The following PPP1R9A variants were observed in gnomAD, a reference collection of about 807,000 sequenced individuals.
The protein encoded by PPP1R9A is protein phosphatase 1 regulatory subunit 9A, also known as neurabin-1.
In PPP1R9A, 59 loss-of-function variants were observed where a neutral mutation model predicts 141.9. The ratio of observed to expected loss-of-function variants is 0.42; its 90% CI spans 0.34 to 0.52. The LOEUF (loss-of-function observed/expected upper bound fraction) is 0.52, where lower values mean the gene tolerates loss of function less well. Among genes scored for constraint, PPP1R9A ranks in the 20% least tolerant of loss-of-function variants. PPP1R9A has a pLI of 0.10. For synonymous variants in PPP1R9A, 500 were observed against 569.7 expected (o/e 0.88, Z 1.74); for missense variants, 1,444 against 1,611.9 (o/e 0.90, Z 1.78).
chr7:95,095,891 G>A (rs1817947637), intron 2 of PPP1R9A, among the ~76,000 whole-genome samples: 1 of 151,972 alleles, frequency 6.6e-6, no homozygotes, highest in Non-Finnish European at 1.5e-5. Context: ...TTCCCACCAT[G>A]TGATGTCTGG....
chr7:95,025,241 AT>A (rs1362334624), intron 2 of PPP1R9A, among the ~76,000 whole-genome samples: 3 of 151,880 alleles, frequency 2.0e-5, no homozygotes, highest in Admixed American at 6.6e-5. Context: ...TAATTTTTGT[AT>A]TTTTAGTAGA....
intron 2 of PPP1R9A, among the ~76,000 whole-genome samples, chr7:95,079,945 A>G (rs1272803112): frequency 2.6e-5 from 4 of 152,232 alleles, no homozygotes; most frequent in Admixed American, 6.5e-5. Flanking sequence ...TCTCAAAATA[A>G]TAAGAGCTAT....
chr7:94,925,122 AG>A (rs1342110890), intron 2 of PPP1R9A, among the ~76,000 whole-genome samples: 4 of 152,182 alleles, frequency 2.6e-5, no homozygotes, highest in African/African-American at 9.7e-5. Flanking sequence ...CAAGTCAAAA[AG>A]CTGCAGGGTG....
chr7:95,001,415 A>G (rs898857770), intron 2 of PPP1R9A, among the ~76,000 whole-genome samples: 4 of 152,188 alleles, frequency 2.6e-5, no homozygotes, highest in African/African-American at 9.6e-5. Flanking sequence ...GCGTACAATT[A>G]TATATAAAGG....
chr7:95,231,065 A>G (rs1031721421), intron 8 of PPP1R9A, among the ~76,000 whole-genome samples: 1 of 152,188 alleles, frequency 6.6e-6, no homozygotes, highest in African/African-American at 2.4e-5. Flanking sequence ...GTGGAAAAAG[A>G]TACCGTATGC....
rs187752870 is a variant in PPP1R9A, at chr7:95,021,612, T to C, written c.1396-89647T>C. On this transcript the variant is annotated intron_variant, in intron 2 of 19. Transcript: ENST00000433360. ...GTTTTTATGGTTTTAGGTCTTATGTTTAAGTCTTTAATCCATCTTGAGTTA... is the reference window on the plus strand; with the variant it reads ...GTTTTTATGGTTTTAGGTCTTATGTCTAAGTCTTTAATCCATCTTGAGTTA... Among the ~76,000 whole-genome samples the C allele has an allele frequency of 1.2e-4, 19 of 152,276 alleles. No homozygotes were observed. The East Asian group carries it at 3.3e-3, about 26-fold the overall frequency.
intron 2 of PPP1R9A, among the ~76,000 whole-genome samples, chr7:95,002,088 ATAGC>A (rs1186134440): frequency 6.6e-6 from 1 of 152,188 alleles, no homozygotes; most frequent in African/African-American, 2.4e-5. Flanking sequence ...TGAGAGGGAA[ATAGC>A]TAGCCCTTCA....
At chr7:95,175,951 A>G (rs1832838301) in intron 5 of PPP1R9A, among the ~76,000 whole-genome samples, 1 of 152,112 alleles carries the variant, frequency 6.6e-6, no homozygotes, top group South Asian at 2.1e-4. Context: ...ATCATGGCCG[A>G]CAGGAGGCAG....
chr7:95,074,603 T>A (rs1814558833), intron 2 of PPP1R9A, among the ~76,000 whole-genome samples: 1 of 151,824 alleles, frequency 6.6e-6, no homozygotes, highest in Non-Finnish European at 1.5e-5. Flanking sequence ...GCCTCCCGAA[T>A]AGGTGGGATT....
At chr7:95,014,129 A>T (rs1360853309) in intron 2 of PPP1R9A, among the ~76,000 whole-genome samples, 1 of 152,102 alleles carries the variant, frequency 6.6e-6, no homozygotes, top group Non-Finnish European at 1.5e-5. Flanking sequence ...GAAACTTAAC[A>T]TTGATACAGT....
intron 12 of PPP1R9A, among the ~76,000 whole-genome samples, chr7:95,265,491 A>T (rs1453416970): frequency 6.6e-6 from 1 of 152,204 alleles, no homozygotes; most frequent in Non-Finnish European, 1.5e-5. Context: ...ATAGCATGTG[A>T]TGGTCAGTCA....
intron 5 of PPP1R9A, among the ~76,000 whole-genome samples, chr7:95,195,638 A>G (rs1182244363): frequency 3.3e-5 from 5 of 152,158 alleles, no homozygotes; most frequent in Non-Finnish European, 7.4e-5. Context: ...TAAAAAATGA[A>G]AAAGCAAGCC....
rs76908050 is a variant in PPP1R9A at position 95,123,897 on chromosome 7, A to T, written c.1649+3065A>T. Among the ~76,000 whole-genome samples, 63 of 152,324 alleles carry T rather than the reference A, an allele frequency of 4.1e-4. 1 individual carries two copies. In the East Asian group the frequency reaches 0.012, roughly 28 times the overall value. On this transcript the variant is annotated intron_variant, in intron 4 of 19. Coordinates refer to ENST00000433360, the MANE Select transcript of PPP1R9A (RefSeq NM_001166160.2). ...CCAAGTAAGAGTAAGCTTGAAACTT[A>T]ATAAAAAAAATAGTTATTATGGGAG...
chr7:95,063,423 G>A (rs926729800), intron 2 of PPP1R9A, among the ~76,000 whole-genome samples: 5 of 152,086 alleles, frequency 3.3e-5, no homozygotes, highest in Non-Finnish European at 2.9e-5. Flanking sequence ...AAATTAGCTC[G>A]GTGTGGCAGC....
intron 2 of PPP1R9A, among the ~76,000 whole-genome samples, chr7:95,059,009 C>T (rs933687970): frequency 3.3e-5 from 5 of 151,996 alleles, no homozygotes; most frequent in Admixed American, 1.3e-4. Flanking sequence ...AGGCTGGTCT[C>T]GAACTCCTGA....
intron 2 of PPP1R9A, among the ~76,000 whole-genome samples, chr7:94,949,753 T>A (rs74924585): frequency 2.2e-3 from 330 of 152,064 alleles, no homozygotes; most frequent in African/African-American, 7.8e-3. Context: ...AGAGAGCGCC[T>A]AGGGGAGGTG....
chr7:95,254,889 T>C (rs1481906440), intron 12 of PPP1R9A, among the ~76,000 whole-genome samples: 1 of 152,218 alleles, frequency 6.6e-6, no homozygotes, highest in Admixed American at 6.5e-5. Flanking sequence ...CCACCATTTG[T>C]ATGTTTCTCA....
intron 2 of PPP1R9A, among the ~76,000 whole-genome samples, chr7:94,975,556 A>G (rs1291328994): frequency 1.3e-5 from 2 of 151,888 alleles, no homozygotes; most frequent in Non-Finnish European, 2.9e-5. Context: ...TGTGTTTCAG[A>G]AGTTTATGTG....
At chr7:94,972,765 G>A (rs1798996152) in intron 2 of PPP1R9A, among the ~76,000 whole-genome samples, 1 of 152,102 alleles carries the variant, frequency 6.6e-6, no homozygotes, top group African/African-American at 2.4e-5. Flanking sequence ...GAGAGCACCT[G>A]GAACATTTTA....
Sources: allele counts gnomAD v4.1 joint callset (sites outside exome capture counted in the v4.1 genomes callset), GRCh38; gene constraint gnomAD v4.1.1; transcripts MANE v1.5; gene names NCBI Gene and HGNC (gene_info 2026-07-23, HGNC 2026-07-21).